PTPRS: variants seen among roughly 807,000 people sequenced by gnomAD.
PTPRS encodes the protein protein tyrosine phosphatase receptor type S, also known as receptor-type tyrosine-protein phosphatase S.
PTPRS carries 63 observed loss-of-function variants against 215.3 expected under a neutral mutation model. That is an observed-to-expected ratio of 0.29 (90% confidence interval 0.24 to 0.36). The LOEUF is 0.36. PTPRS is among the 10% of genes least tolerant of loss of function. The pLI is 1.00. For synonymous variants in PTPRS, 1,404 were observed against 1,191.4 expected (o/e 1.18, Z -3.68); for missense variants, 2,258 against 2,825.8 (o/e 0.80, Z 4.56).
chr19:5,273,351 G>C (rs372792231), intron 4 of PTPRS, 91 bp downstream of exon 4: 1 of 1,580,058 alleles, frequency 6.3e-7, no homozygotes, highest in Admixed American at 1.7e-5. Context: ...AAAGCAGGAG[G>C]GTTTGGGGTA....
intron 1 of PTPRS, among the ~76,000 whole-genome samples, chr19:5,291,320 C>A (rs1159001808): frequency 1.3e-5 from 2 of 152,084 alleles, no homozygotes; most frequent in African/African-American, 2.4e-5. Flanking sequence ...AACCGAGGCT[C>A]ACCAAGGGTC....
At position 5,231,533 on chromosome 19, in the gene PTPRS, C is replaced by G. The variant is rs148862245; in HGVS notation, c.1932G>C (p.Pro644=). 2.5e-6 allele frequency: 4 copies of G among 1,610,424 alleles called. No individual in the cohort carries two copies. The Admixed American group carries it at 6.7e-5, about 27-fold the overall frequency. ...CCACCAGGGCCCCGTTGTGCGTTTC[C>G]GGCGGCGGCGGGCGCCAACTTACCA... ...AILVSWRPPP[P]ETHNGALVGY... The change falls in exon 14 of 38, where the codon CCG becomes CCC. Residue 644 remains proline (P), a synonymous_variant. Coordinates refer to ENST00000262963, the MANE Select transcript of PTPRS (RefSeq NM_002850.4).
At chr19:5,225,464 G>A (rs1324055419) in intron 17 of PTPRS, among the ~76,000 whole-genome samples, 1 of 152,022 alleles carries the variant, frequency 6.6e-6, no homozygotes, top group Non-Finnish European at 1.5e-5. Flanking sequence ...AGGGCAAAGG[G>A]GTCAGAGGTG....
Position 5,211,724 on chromosome 19 carries a change from G to A in PTPRS, c.5100C>T (p.Ala1700=). Residue 1700 remains alanine (A), a synonymous_variant, in exon 33 of 38, where the codon GCC becomes GCT. Transcript: ENST00000262963. The part of the protein sequence containing the change: ...SKAHTSRFIS[A]NLPCNKFKNR... The stretch of plus-strand genomic sequence containing the variant: ...TCTTGAACTTGTTACAAGGCAGATT[G>A]GCACTGATGAAGCGTGACGTGTGGG... 1.2e-6 allele frequency: 2 copies of A among 1,614,118 alleles called. No individual in the cohort carries two copies. The highest frequency in any genetic ancestry group is 1.6e-4 in the Middle Eastern group (1 of 6,062).
At chr19:5,223,412 G>T (rs946274618) in intron 17 of PTPRS, 115 bp from the exon 18 acceptor site, 1 of 1,265,014 alleles carries the variant, frequency 7.9e-7, no homozygotes, top group Non-Finnish European at 1.0e-6. Flanking sequence ...TTTGAGTTGG[G>T]GGGGGTCTTA....
chr19:5,309,069 G>A (rs2049602686), intron 1 of PTPRS, among the ~76,000 whole-genome samples: 1 of 152,140 alleles, frequency 6.6e-6, no homozygotes, highest in Admixed American at 6.5e-5. Flanking sequence ...GAGGTGGGAG[G>A]TGAGTGCCAA....
chr19:5,307,201 G>A (rs529408834), intron 1 of PTPRS, among the ~76,000 whole-genome samples: 12 of 152,292 alleles, frequency 7.9e-5, no homozygotes, highest in African/African-American at 2.2e-4. Context: ...CCAGCAACTC[G>A]GGATGCTGAG....
In PTPRS at chr19:5,206,809, C is replaced by T. The variant is rs750035643; in HGVS notation, c.5812G>A (p.Glu1938Lys). ...EYQFCYQAALEYLGSFDHYAT is the reference protein window; with the variant it reads ...EYQFCYQAALKYLGSFDHYAT ...TAGTGGTCAAAGCTTCCGAGGTACTCCAGTGCCGCCTGGTAACAGAACTGG... is the reference window on the plus strand; with the variant it reads ...TAGTGGTCAAAGCTTCCGAGGTACTTCAGTGCCGCCTGGTAACAGAACTGG... The change falls in exon 38 of 38, where the codon GAG (glutamate) becomes AAG (lysine). Residue 1938 changes from glutamate to lysine, a missense_variant. Physicochemically the swap from Glu to Lys is moderately conservative, Grantham distance 56 (BLOSUM62 1). Coordinates refer to ENST00000262963, the MANE Select transcript of PTPRS (RefSeq NM_002850.4). 1 of 1,614,136 alleles carries T rather than the reference C, an allele frequency of 6.2e-7. No individual in the cohort carries two copies. The highest frequency in any genetic ancestry group is 1.7e-5 in the Admixed American group (1 of 60,022).
In PTPRS at chr19:5,305,132, C is replaced by T. The variant is rs140002978; in HGVS notation, c.-94-18898G>A. 3.9e-5 allele frequency among the ~76,000 whole-genome samples: 6 copies of T among 152,346 alleles called. 1 individual carries two copies. Among genetic ancestry groups the T allele is most frequent in the African/African-American group, 1.4e-4 (6 of 41,576 alleles). On this transcript the variant is annotated intron_variant, in intron 1 of 37. Transcript: ENST00000262963. ...AAGACATAAAAACCCCTATCAAGCA[C>T]TTAGCAGGAGCAAAACACTCAGAAC...
intron 1 of PTPRS, among the ~76,000 whole-genome samples, chr19:5,337,551 A>AACCC (rs1368022546): frequency 6.6e-6 from 1 of 152,226 alleles, no homozygotes; most frequent in African/African-American, 2.4e-5. Flanking sequence ...GTTCAACGCC[A>AACCC]ACCCCGAAGG....
chr19:5,286,104 C>T lies in PTPRS; in HGVS notation c.37G>A (p.Val13Ile), dbSNP rs1463514289. 5.0e-6 allele frequency: 8 copies of T among 1,614,220 alleles called. No individual in the cohort carries two copies. The highest frequency in any genetic ancestry group is 6.8e-6 in the Non-Finnish European group (8 of 1,180,040). The change falls in exon 2 of 38, where the codon GTT becomes ATT. Residue 13 changes from valine (V) to isoleucine (I), a missense_variant. Val to Ile is a conservative substitution (Grantham distance 29). Around this residue, in one of 6 missense-constraint regions of PTPRS, gnomAD observed 508 missense variants for 799.4 expected, o/e 0.64. Transcript: ENST00000262963. ...ACCACAAGGAGGCCCATGGGACCAA[C>T]CACAGACACCATGCCAGGGCCCCAG... ...PTWGPGMVSV[V>I]GPMGLLVVLL... is the part of the protein sequence containing the mutation.
chr19:5,312,305 G>A (rs1004712120), intron 1 of PTPRS, among the ~76,000 whole-genome samples: 26 of 152,236 alleles, frequency 1.7e-4, no homozygotes, highest in South Asian at 8.3e-4. Context: ...CAGGGACAGC[G>A]GGCATAGGAT....
rs148205532 is a variant in PTPRS at position 5,329,746 on chromosome 19, C to G, written c.-95+10918G>C. On this transcript the variant is annotated intron_variant, in intron 1 of 37. Coordinates refer to ENST00000262963, the MANE Select transcript of PTPRS (RefSeq NM_002850.4). ...TGCCACTGCACTCCAGCCTGGGCAACAGAGCAACACTCCATCTCCTAAAAA... is the reference window on the plus strand; with the variant it reads ...TGCCACTGCACTCCAGCCTGGGCAAGAGAGCAACACTCCATCTCCTAAAAA... 3.0e-4 allele frequency among the ~76,000 whole-genome samples: 45 copies of G among 148,838 alleles called. No individual in the cohort carries two copies. In the East Asian group the frequency reaches 8.1e-3, roughly 27 times the overall value.
At chr19:5,223,558 TGA>T (rs1268412164) in intron 17 of PTPRS, among the ~76,000 whole-genome samples, 1 of 92,306 alleles carries the variant, frequency 1.1e-5, no homozygotes, top group Non-Finnish European at 2.0e-5. Context: ...GCTGCGGTTG[TGA>T]TTTTTTTTTT....
chr19:5,333,921 T>C (rs760583766), intron 1 of PTPRS, among the ~76,000 whole-genome samples: 5 of 152,172 alleles, frequency 3.3e-5, no homozygotes, highest in Non-Finnish European at 1.5e-5. Context: ...CCGATCACTT[T>C]CCTGAGTGCC....
In PTPRS at chr19:5,338,037, TG is replaced by T. The variant is rs991734178; in HGVS notation, c.-95+2626del. ...GGGGAAATCGTCCCCGGAGCTGACC[TG>T]CCAACCAGTAGCACCCTCCAGCGCC... On this transcript the variant is annotated intron_variant, in intron 1 of 37. Transcript: ENST00000262963. The surrounding 1 kb of genome is among the most constrained non-coding windows in gnomAD (Gnocchi z 4.2). Among the ~76,000 whole-genome samples the T allele has an allele frequency of 6.6e-6, 1 of 152,106 alleles. No homozygotes were observed. Among genetic ancestry groups the T allele is most frequent in the African/African-American group, 2.4e-5 (1 of 41,432 alleles).
chr19:5,268,774 T>C (rs1049797391), intron 4 of PTPRS, among the ~76,000 whole-genome samples: 3 of 152,180 alleles, frequency 2.0e-5, no homozygotes, highest in African/African-American at 7.2e-5. Context: ...GTCACACACT[T>C]GTCCCAGGTC....
At chr19:5,245,163 T>G (rs1435827720) in intron 10 of PTPRS, among the ~76,000 whole-genome samples, 1 of 147,682 alleles carries the variant, frequency 6.8e-6, no homozygotes, top group African/African-American at 2.6e-5. Context: ...TTTTTTTTTG[T>G]ATTTTCAGTA....
Position 5,208,314 on chromosome 19 carries a change from G to A in PTPRS, c.5565C>T (p.Gly1855=). ...GCACTTGGCCAATGAAGTCGATGAA[G>A]CCCTCCCCCGACTTTGGCACACCCT... The part of the protein sequence containing the change: ...PEQGVPKSGE[G]FIDFIGQVHK... The change falls in exon 36 of 38, where the codon GGC becomes GGT. Residue 1855 remains glycine, a synonymous_variant. Coordinates refer to ENST00000262963, the MANE Select transcript of PTPRS (RefSeq NM_002850.4). The A allele has an allele frequency of 6.2e-7, 1 of 1,613,984 alleles. No homozygotes were observed. The highest frequency in any genetic ancestry group is 8.5e-7 in the Non-Finnish European group (1 of 1,179,896).
Sources: allele counts gnomAD v4.1 joint callset (sites outside exome capture counted in the v4.1 genomes callset), GRCh38; gene constraint gnomAD v4.1.1; regional missense constraint gnomAD v4.1.1; non-coding constraint Gnocchi (gnomAD v3.1); transcripts MANE v1.5; gene names NCBI Gene and HGNC (gene_info 2026-07-23, HGNC 2026-07-21).